Variants in NRG1 observed in about 807,000 individuals in gnomAD.
NRG1 encodes pro-neuregulin-1, membrane-bound isoform.
A neutral mutation model predicts 63.8 loss-of-function variants in NRG1; 18 were observed. The observed-to-expected ratio is 0.28, with a 90% CI of 0.19 to 0.42. NRG1 has a LOEUF of 0.42. Among genes scored for constraint, NRG1 ranks in the 10% least tolerant of loss-of-function variants. The pLI, the probability that NRG1 is intolerant of heterozygous loss-of-function variation, is 1.00. For missense variants in NRG1, 762 were observed against 814.7 expected (o/e 0.94, Z 0.79); for synonymous variants, 302 against 301.3 (o/e 1.00, Z -0.02).
At chr8:32,133,598 C>A (rs978648627) in intron 1 of NRG1, among the ~76,000 whole-genome samples, 5 of 152,064 alleles carry the variant, frequency 3.3e-5, no homozygotes, top group Non-Finnish European at 1.5e-5. Flanking sequence ...ACATTCATGA[C>A]CTAATTTAGG....
intron 1 of NRG1, among the ~76,000 whole-genome samples, chr8:31,689,733 C>A (rs1809297231): frequency 1.3e-5 from 2 of 152,112 alleles, no homozygotes; most frequent in South Asian, 4.1e-4. Context: ...TTTTTCTGAA[C>A]ATTTGGGATA....
chr8:31,928,043 A>T (rs1210379646), intron 1 of NRG1, among the ~76,000 whole-genome samples: 3 of 151,128 alleles, frequency 2.0e-5, no homozygotes, highest in Admixed American at 6.6e-5. Flanking sequence ...TTATTATGCA[A>T]ATTTCCTCTA....
chr8:32,550,411 C>T (rs1468515818), intron 1 of NRG1, among the ~76,000 whole-genome samples: 3 of 152,062 alleles, frequency 2.0e-5, no homozygotes, highest in African/African-American at 7.2e-5. Flanking sequence ...TAGCTCAAAT[C>T]GTTGTAAAGA....
At chr8:32,693,418 A>G (rs1031645632) in intron 5 of NRG1, among the ~76,000 whole-genome samples, 4 of 151,838 alleles carry the variant, frequency 2.6e-5, no homozygotes, top group Admixed American at 6.6e-5. Context: ...GAGGTTTCAC[A>G]TGTTAGCCAG....
chr8:31,649,216 A>G (rs1429232241), intron 1 of NRG1, among the ~76,000 whole-genome samples: 1 of 152,188 alleles, frequency 6.6e-6, no homozygotes, highest in African/African-American at 2.4e-5. Flanking sequence ...CGGCCTCCCA[A>G]AATGCTGGAT....
chr8:32,031,961 T>TG (rs1278060873), intron 1 of NRG1, among the ~76,000 whole-genome samples: 2 of 152,148 alleles, frequency 1.3e-5, no homozygotes, highest in East Asian at 1.9e-4. Context: ...ATTTATATCT[T>TG]GGGGGGTAGA....
intron 5 of NRG1, among the ~76,000 whole-genome samples, chr8:32,678,815 C>A (rs1176436081): frequency 1.3e-5 from 2 of 152,110 alleles, no homozygotes; most frequent in Non-Finnish European, 2.9e-5. Context: ...ACAAAAGTAA[C>A]CCATGCTGAA....
At chr8:31,813,382 T>C (rs533806082) in intron 1 of NRG1, among the ~76,000 whole-genome samples, 50 of 152,310 alleles carry the variant, frequency 3.3e-4, no homozygotes, top group African/African-American at 1.2e-3. Flanking sequence ...ATCAGTTGCC[T>C]CAAGCATTTA....
chr8:31,960,699 C>T (rs1053879905), intron 1 of NRG1, among the ~76,000 whole-genome samples: 1 of 152,330 alleles, frequency 6.6e-6, no homozygotes, highest in African/African-American at 2.4e-5. Context: ...TGCTAAACTG[C>T]AACTCAGTTG....
chr8:32,078,246 G>T (rs1826911854), intron 1 of NRG1, among the ~76,000 whole-genome samples: 1 of 152,134 alleles, frequency 6.6e-6, no homozygotes, highest in Non-Finnish European at 1.5e-5. Flanking sequence ...GTTCATGCAA[G>T]AATTGATGGT....
intron 1 of NRG1, among the ~76,000 whole-genome samples, chr8:32,059,345 C>A (rs958326722): frequency 6.6e-6 from 1 of 151,918 alleles, no homozygotes; most frequent in African/African-American, 2.4e-5. Context: ...CTTACAACTC[C>A]TAGACATCGT....
At position 31,667,568 on chromosome 8, in the gene NRG1, A is replaced by C. The variant is rs113362934; in HGVS notation, c.37+28137A>C. Among the ~76,000 whole-genome samples the C allele has an allele frequency of 2.7e-3, 418 of 152,290 alleles. 2 individuals are homozygous for C. The highest frequency in any genetic ancestry group is 4.3e-3 in the Non-Finnish European group (290 of 68,020). On this transcript the variant is annotated intron_variant, in intron 1 of 10. Coordinates refer to the NRG1 transcript ENST00000519301. ...TACCAAGGGAGGTAATGGCCTGTTC[A>C]GGAAACTGCACTGTGACTTAGCATG... is the stretch of plus-strand genomic sequence containing the variant.
At chr8:32,482,794 G>T (rs1298734672) in intron 1 of NRG1, among the ~76,000 whole-genome samples, 2 of 152,226 alleles carry the variant, frequency 1.3e-5, no homozygotes, top group African/African-American at 4.8e-5. Flanking sequence ...TGTGGGGGAA[G>T]AGGGTGGGAA....
chr8:32,258,275 A>G (rs989320782), intron 1 of NRG1, among the ~76,000 whole-genome samples: 4 of 152,214 alleles, frequency 2.6e-5, no homozygotes, highest in Non-Finnish European at 4.4e-5. Context: ...ACAGTTGAGG[A>G]AAAAATAAAG....
chr8:31,708,918 T>G (rs1486170792), intron 1 of NRG1, among the ~76,000 whole-genome samples: 1 of 152,296 alleles, frequency 6.6e-6, no homozygotes, highest in East Asian at 1.9e-4. Context: ...ACCAAAAACT[T>G]AAGTACTAAT....
At chr8:32,316,472 CAAAAAAA>C (rs60206972) in intron 1 of NRG1, among the ~76,000 whole-genome samples, 19,167 of 125,328 alleles carry the variant, frequency 0.15, 1,300 homozygotes, top group South Asian at 0.21. Context: ...GAGACTCCAT[CAAAAAAA>C]AAAAAAAAAA....
chr8:32,033,413 A>G (rs1240439953), intron 1 of NRG1, among the ~76,000 whole-genome samples: 1 of 152,108 alleles, frequency 6.6e-6, no homozygotes, highest in Non-Finnish European at 1.5e-5. Flanking sequence ...TTTGCTTAGG[A>G]TAGTCTTGGC....
chr8:31,890,551 AATC>A (rs1344860718), intron 1 of NRG1, among the ~76,000 whole-genome samples: 3 of 152,180 alleles, frequency 2.0e-5, no homozygotes, highest in Non-Finnish European at 4.4e-5. Flanking sequence ...GAGACAAAAT[AATC>A]ATGACATTTC....
At chr8:32,520,111 A>G (rs532224061) in intron 1 of NRG1, among the ~76,000 whole-genome samples, 68 of 152,274 alleles carry the variant, frequency 4.5e-4, no homozygotes, top group African/African-American at 1.6e-3. Flanking sequence ...TTCACCACTC[A>G]GTGCTGGTGT....
Sources: gnomAD v4.1 joint callset for allele counts (sites outside exome capture counted in the v4.1 genomes callset) on GRCh38, gnomAD v4.1.1 for gene constraint, MANE v1.5 for transcripts, NCBI Gene and HGNC (gene_info 2026-07-23, HGNC 2026-07-21) for gene names.